Variants in PCDH15 observed in about 807,000 individuals in gnomAD.
PCDH15 encodes the protein protocadherin related 15.
In PCDH15, 129 loss-of-function variants were observed where a neutral mutation model predicts 178.5. The observed-to-expected ratio is 0.72, with a 90% CI of 0.63 to 0.84. The LOEUF is 0.84. Among genes scored for constraint, PCDH15 ranks in the 40% least tolerant of loss-of-function variants. The probability of loss-of-function intolerance (pLI) is 0.00; values close to 1 mark genes in which losing one functional copy is unlikely to be tolerated. For missense variants in PCDH15, 2,230 were observed against 2,099.9 expected, an observed-to-expected ratio of 1.06 and a Z score of -1.21; for synonymous variants, 800 against 732.0, an observed-to-expected ratio of 1.09 and a Z score of -1.50.
intron 2 of PCDH15, among the ~76,000 whole-genome samples, chr10:55,586,903 A>C (rs1399227425): frequency 6.6e-6 from 1 of 152,134 alleles, no homozygotes; most frequent in African/African-American, 2.4e-5. Context: ...TTCCTATTGA[A>C]TGAAGGATGT....
At chr10:54,098,659 T>C (rs2094747852) in intron 15 of PCDH15, among the ~76,000 whole-genome samples, 1 of 152,184 alleles carries the variant, frequency 6.6e-6, no homozygotes, top group African/African-American at 2.4e-5. Flanking sequence ...TACTTGCTAA[T>C]AAATATACTG....
chr10:54,309,355 A>T (rs12780034), intron 8 of PCDH15, among the ~76,000 whole-genome samples: 38,685 of 145,304 alleles, frequency 0.27, 6,258 homozygotes, highest in Middle Eastern at 0.39. Context: ...ACACACACAC[A>T]CTTCACATAT....
chr10:55,050,407 T>C (rs1449834123), intron 2 of PCDH15, among the ~76,000 whole-genome samples: 2 of 152,042 alleles, frequency 1.3e-5, no homozygotes, highest in African/African-American at 2.4e-5. Context: ...ACATTCTCTA[T>C]GATAAATTTA....
At chr10:54,838,189 A>T (rs1953352652) in intron 3 of PCDH15, among the ~76,000 whole-genome samples, 1 of 151,952 alleles carries the variant, frequency 6.6e-6, no homozygotes, top group Non-Finnish European at 1.5e-5. Flanking sequence ...CTGTCCACCT[A>T]GTGATATGGT....
chr10:53,895,308 A>C (rs144606617), intron 26 of PCDH15, among the ~76,000 whole-genome samples: 123 of 152,252 alleles, frequency 8.1e-4, no homozygotes, highest in African/African-American at 2.7e-3. Flanking sequence ...ACTCTGCTGA[A>C]ACCTCTCATC....
intron 8 of PCDH15, among the ~76,000 whole-genome samples, chr10:54,246,576 G>GT (rs2055950389): frequency 2.0e-5 from 3 of 151,484 alleles, no homozygotes; most frequent in South Asian, 2.1e-4. Flanking sequence ...TTATATGTTA[G>GT]TTTTTTTTCA....
chr10:54,546,533 G>A (rs1444571150), intron 2 of PCDH15, among the ~76,000 whole-genome samples: 1 of 151,894 alleles, frequency 6.6e-6, no homozygotes, highest in Non-Finnish European at 1.5e-5. Context: ...TAAATGCATT[G>A]CATTTATTAT....
intron 2 of PCDH15, among the ~76,000 whole-genome samples, chr10:55,456,401 G>T (rs759820721): frequency 6.6e-6 from 1 of 152,010 alleles, no homozygotes; most frequent in Non-Finnish European, 1.5e-5. Flanking sequence ...TAATGGTGAA[G>T]AAAATATATG....
intron 1 of PCDH15, among the ~76,000 whole-genome samples, chr10:55,318,418 T>C (rs1394628350): frequency 6.6e-6 from 1 of 152,140 alleles, no homozygotes; most frequent in Non-Finnish European, 1.5e-5. Flanking sequence ...ATAGTTCATT[T>C]TGAAAACTGA....
intron 2 of PCDH15, among the ~76,000 whole-genome samples, chr10:54,614,428 T>C (rs1287929914): frequency 2.0e-5 from 3 of 152,032 alleles, no homozygotes; most frequent in Non-Finnish European, 4.4e-5. Flanking sequence ...GTTGAGGCAA[T>C]ATTGCTCATT....
chr10:53,928,054 A>T (rs2133950478), intron 25 of PCDH15, among the ~76,000 whole-genome samples: 1 of 152,198 alleles, frequency 6.6e-6, no homozygotes, highest in African/African-American at 2.4e-5. Context: ...GGTTAAGTGA[A>T]AAGAATGCAA....
At chr10:55,540,519 C>T (rs976906128) in intron 2 of PCDH15, among the ~76,000 whole-genome samples, 1 of 151,918 alleles carries the variant, frequency 6.6e-6, no homozygotes, top group African/African-American at 2.4e-5. Context: ...AAAAAACAAA[C>T]CTTCACCAGA....
chr10:54,238,436 G>C (rs190618584), intron 8 of PCDH15, among the ~76,000 whole-genome samples: 1 of 151,724 alleles, frequency 6.6e-6, no homozygotes, highest in South Asian at 2.1e-4. Context: ...GGTTTCTCTC[G>C]AGTTCATTAT....
intron 3 of PCDH15, among the ~76,000 whole-genome samples, chr10:54,841,555 G>A (rs1953417450): frequency 6.6e-6 from 1 of 151,468 alleles, no homozygotes; most frequent in African/African-American, 2.4e-5. Flanking sequence ...ATAAAAATTA[G>A]AGCAACAAAT....
intron 1 of PCDH15, among the ~76,000 whole-genome samples, chr10:54,793,581 T>TA (rs1951642113): frequency 6.6e-6 from 1 of 151,098 alleles, no homozygotes; most frequent in Non-Finnish European, 1.5e-5. Flanking sequence ...GATAGAAAAA[T>TA]AAAAAATTAG....
At chr10:55,127,814 C>T (rs1435353046) in intron 2 of PCDH15, among the ~76,000 whole-genome samples, 1 of 152,000 alleles carries the variant, frequency 6.6e-6, no homozygotes, top group Non-Finnish European at 1.5e-5. Flanking sequence ...TTTTAGGACC[C>T]TAATCTTACA....
chr10:54,552,209 A>G (rs76532727), intron 2 of PCDH15, among the ~76,000 whole-genome samples: 3,227 of 152,100 alleles, frequency 0.021, 102 homozygotes, highest in African/African-American at 0.072. Context: ...TCATGAATGT[A>G]CTCTCCTCTG....
intron 1 of PCDH15, among the ~76,000 whole-genome samples, chr10:54,783,774 G>C (rs1185458364): frequency 6.6e-6 from 1 of 152,092 alleles, no homozygotes; most frequent in African/African-American, 2.4e-5. Context: ...GAATAAGAGA[G>C]ACAAAAAGCC....
chr10:54,028,124 G>A lies in PCDH15; in HGVS notation c.2221-4927C>T, dbSNP rs868822741. On this transcript the variant is annotated intron_variant, in intron 18 of 37. Coordinates refer to ENST00000644397, the MANE Select transcript of PCDH15 (RefSeq NM_001384140.1). Reference sequence around the variant, plus strand: ...CAAACAACCCCATCAAAAAGTGGGCGAAGGACATGAACAGACACTTCTCAA... The same window carrying A: ...CAAACAACCCCATCAAAAAGTGGGCAAAGGACATGAACAGACACTTCTCAA... 3.1e-3 allele frequency among the ~76,000 whole-genome samples: 463 copies of A among 149,084 alleles called. 3 individuals carry two copies. The highest frequency in any genetic ancestry group is 0.01 in the African/African-American group (421 of 40,618).
Sources: gnomAD v4.1 joint callset for allele counts (sites outside exome capture counted in the v4.1 genomes callset) on GRCh38, gnomAD v4.1.1 for gene constraint, MANE v1.5 for transcripts, NCBI Gene and HGNC (gene_info 2026-07-23, HGNC 2026-07-21) for gene names.